Variants in NAALADL1 observed in about 807,000 individuals in gnomAD.
NAALADL1 encodes the protein aminopeptidase NAALADL1.
Under a neutral mutation model 82.8 loss-of-function variants are expected in NAALADL1, and 77 were observed. That is an observed-to-expected ratio of 0.93 (90% CI 0.77 to 1.12). The LOEUF is 1.12. NAALADL1 is among the 50% of genes most tolerant of loss of function. The pLI, the probability that NAALADL1 is intolerant of heterozygous loss-of-function variation, is 0.00. For missense variants in NAALADL1, 956 were observed against 964.0 expected, an observed-to-expected ratio of 0.99 and a Z score of 0.11; for synonymous variants, 358 against 399.2, an observed-to-expected ratio of 0.90 and a Z score of 1.23.
Position 65,054,446 on chromosome 11 carries a change from C to T in NAALADL1, c.887+9G>A, listed in dbSNP as rs761580094. 3.1e-6 allele frequency: 5 copies of T among 1,613,754 alleles called. No homozygotes were observed. Among genetic ancestry groups the T allele is most frequent in the East Asian group, 2.2e-5 (1 of 44,880 alleles). Reference sequence around the variant, plus strand: ...GGGCTGGGCAGGACACCCCAGGGCACAAACTCACCAGAGCAGGTCTCTTGC... The same window carrying T: ...GGGCTGGGCAGGACACCCCAGGGCATAAACTCACCAGAGCAGGTCTCTTGC... On this transcript the variant is annotated intron_variant, in intron 5 of 17. Transcript: ENST00000358658. This position sits in a 1 kb window ranked among gnomAD's most constrained non-coding sequence, Gnocchi z 4.3.
At chr11:65,057,752 T>G in intron 3 of NAALADL1, 123 bp downstream of exon 3, 3 of 1,432,234 alleles carry the variant, frequency 2.1e-6, no homozygotes, top group Non-Finnish European at 2.9e-6. Context: ...AGTGTCCCGG[T>G]GAGTAAATTC....
intron 3 of NAALADL1, 107 bp from the exon 4 acceptor site, chr11:65,057,600 C>T: frequency 7.0e-7 from 1 of 1,421,668 alleles, no homozygotes; most frequent in Non-Finnish European, 9.4e-7. Context: ...TTCTGTTCCC[C>T]CACCTCACCC....
chr11:65,045,076 C>T lies in NAALADL1; in HGVS notation c.*195G>A. 1 of 665,016 alleles carries T rather than the reference C, an allele frequency of 1.5e-6. No homozygotes were observed. The highest frequency in any genetic ancestry group is 2.5e-6 in the Non-Finnish European group (1 of 400,008). The allele number at this position is 665,016 out of a possible 1,614,324, so 41.2% of individuals were successfully genotyped here. On this transcript the variant is annotated 3_prime_UTR_variant, in exon 18 of 18. Transcript: ENST00000358658. ...CTGTCCCCTGCTGCCCACCCTCTGC[C>T]ACCTAAGCACCAGGATGAGGGTGAG...
Position 65,054,523 on chromosome 11 carries a change from G to A in NAALADL1, c.819C>T (p.Ala273=), listed in dbSNP as rs1325783587. 1 of 1,613,976 alleles carries A rather than the reference G, an allele frequency of 6.2e-7. No individual in the cohort carries two copies. Among genetic ancestry groups the A allele is most frequent in the East Asian group, 2.2e-5 (1 of 44,874 alleles). ...AVPSSFRVDL[A]NVSGFPPIPT... is the part of the protein sequence containing the mutation. ...GAATTGGGGGAAATCCGGAGACATT[G>A]GCAAGGTCCACGCGGAAGGAAGAGG... Residue 273 remains alanine (A), a synonymous_variant, in exon 5 of 18, where the codon GCC becomes GCT. Transcript: ENST00000358658. The surrounding 1 kb of genome is among the most constrained non-coding windows in gnomAD (Gnocchi z 4.3).
chr11:65,048,978 G>A (rs931267990), intron 8 of NAALADL1, among the ~76,000 whole-genome samples: 2 of 152,134 alleles, frequency 1.3e-5, no homozygotes, highest in African/African-American at 2.4e-5. Context: ...CAGGAGAATC[G>A]CTTGAGCCTG....
rs769506889 is a variant in NAALADL1 at position 65,046,348 on chromosome 11, G to A, written c.1696C>T (p.Gln566Ter). 1.9e-6 allele frequency: 3 copies of A among 1,614,134 alleles called. No individual in the cohort carries two copies. Among genetic ancestry groups the A allele is most frequent in the African/African-American group, 1.3e-5 (1 of 74,948 alleles). Residue 566 changes from glutamine (Q) to a stop codon, truncating the protein, a stop_gained, in exon 15 of 18, where the codon CAG becomes TAG. Transcript: ENST00000358658. LOFTEE classifies it high-confidence loss of function. The part of the protein sequence containing the change: ...KFLDPGFSSH[Q>*]AVARTAGSVI... ...CTCCCCGCTGTCCGGGCCACAGCCT[G>A]ATGGCTGCTGAAGCCTGCGGCAAGG...
chr11:65,060,133 T>TGTGTGTGTGTGTGTGCACGTGC (rs1947157722), upstream of NAALADL1, among the ~76,000 whole-genome samples: 1 of 151,910 alleles, frequency 6.6e-6, no homozygotes, highest in Non-Finnish European at 1.5e-5. Flanking sequence ...CGTGTGTGTG[T>TGTGTGTGTGTGTGTGCACGTGC]GTGTGTGTGT....
At chr11:65,048,498 T>TGACAG (rs1192095989) in intron 8 of NAALADL1, 113 bp from the exon 9 acceptor site, 4 of 1,185,500 alleles carry the variant, frequency 3.4e-6, no homozygotes, top group Non-Finnish European at 4.9e-6. Context: ...GGGCAGCTGG[T>TGACAG]GACAGGATGT....
intron 4 of NAALADL1, 124 bp downstream of exon 4, chr11:65,057,247 C>G: frequency 7.0e-7 from 1 of 1,419,756 alleles, no homozygotes; most frequent in Non-Finnish European, 9.4e-7. Context: ...TTTCCTGCCC[C>G]ACCCTGGGGC....
chr11:65,053,678 G>A lies in NAALADL1; in HGVS notation c.993-102C>T. On this transcript the variant is annotated intron_variant, in intron 6 of 17. Coordinates refer to ENST00000358658, the MANE Select transcript of NAALADL1 (RefSeq NM_005468.3). This position sits in a 1 kb window ranked among gnomAD's most constrained non-coding sequence, Gnocchi z 4.3. Reference sequence around the variant, plus strand: ...CCGGAGCTGGAAAGTGACGTGGCAAGGCCATTCATTGGCCCCGAAGTACCA... The same window carrying A: ...CCGGAGCTGGAAAGTGACGTGGCAAAGCCATTCATTGGCCCCGAAGTACCA... 9.4e-7 allele frequency: 1 copy of A among 1,064,624 alleles called. No individual in the cohort carries two copies. The allele number at this position is 1,064,624 out of a possible 1,614,324, so 65.9% of individuals were successfully genotyped here. A position where few individuals can be genotyped will look rare whatever the true frequency, so the allele number is the denominator to read the frequency against.
intron 13 of NAALADL1, among the ~76,000 whole-genome samples, chr11:65,046,827 T>G (rs1205911241): frequency 1.3e-5 from 2 of 152,164 alleles, no homozygotes; most frequent in Non-Finnish European, 2.9e-5. Flanking sequence ...CAAGAATCGC[T>G]GTGGCTGTGA....
At chr11:65,047,898 G>GCC in intron 11 of NAALADL1, 83 bp downstream of exon 11, 1 of 586,632 alleles carries the variant, frequency 1.7e-6, no homozygotes, top group Non-Finnish European at 2.9e-6. Context: ...CCACTCCCCA[G>GCC]CCCCGCCCAC....
rs748582110 is a variant in NAALADL1, at chr11:65,046,515, T to C, written c.1611A>G (p.Ser537=). 1 of 1,614,164 alleles carries C rather than the reference T, an allele frequency of 6.2e-7. No individual in the cohort carries two copies. Among genetic ancestry groups the C allele is most frequent in the Non-Finnish European group, 8.5e-7 (1 of 1,180,020 alleles). The part of the protein sequence containing the change: ...IAYTYDRSKT[S]ARIYPTYHTA... ...TGTGGTAGGTGGGGTAGATCCTGGC[T>C]GAAGTCTTGCTCTGGGGGAACAAAG... Residue 537 remains serine (S), a synonymous_variant, in exon 14 of 18, where the codon TCA becomes TCG. Coordinates refer to ENST00000358658, the MANE Select transcript of NAALADL1 (RefSeq NM_005468.3).
chr11:65,054,769 G>T lies in NAALADL1; in HGVS notation c.604-31C>A. 6.2e-7 allele frequency: 1 copy of T among 1,602,290 alleles called. No homozygotes were observed. Among genetic ancestry groups the T allele is most frequent in the South Asian group, 1.1e-5 (1 of 89,964 alleles). On this transcript the variant is annotated intron_variant, in intron 4 of 17. Transcript: ENST00000358658. The surrounding 1 kb of genome is among the most constrained non-coding windows in gnomAD (Gnocchi z 4.3). The stretch of plus-strand genomic sequence containing the variant: ...GTGGGCAGAGGAGGCTGTGTGTAAG[G>T]GAGGGACCGGGACCAGATATGTCCT...
chr11:65,048,127 C>T (rs1466862745), intron 10 of NAALADL1, 25 bp downstream of exon 10: 1 of 1,614,164 alleles, frequency 6.2e-7, no homozygotes, highest in Non-Finnish European at 8.5e-7. Context: ...GTCTCCTCCC[C>T]TTTCCTGCCC....
At chr11:65,050,254 G>A (rs1211078366) in intron 8 of NAALADL1, among the ~76,000 whole-genome samples, 5 of 151,996 alleles carry the variant, frequency 3.3e-5, no homozygotes, top group African/African-American at 4.8e-5. Flanking sequence ...TGAGGTGGGC[G>A]GATCACGAGG....
chr11:65,053,411 C>T lies in NAALADL1; in HGVS notation c.1079-74G>A. On this transcript the variant is annotated intron_variant, in intron 7 of 17. Transcript: ENST00000358658. The surrounding 1 kb of genome is among the most constrained non-coding windows in gnomAD (Gnocchi z 4.3). ...CAGGGGGAGCTGGGCTGGGTGGTGGCAAGGGCAGGGCTGGATGAGGACAGC... is the reference window on the plus strand; with the variant it reads ...CAGGGGGAGCTGGGCTGGGTGGTGGTAAGGGCAGGGCTGGATGAGGACAGC... 1 of 1,612,554 alleles carries T rather than the reference C, an allele frequency of 6.2e-7. No homozygotes were observed. Among genetic ancestry groups the T allele is most frequent in the Non-Finnish European group, 8.5e-7 (1 of 1,179,288 alleles).
At chr11:65,046,824 C>T (rs1481356148) in intron 13 of NAALADL1, among the ~76,000 whole-genome samples, 2 of 152,136 alleles carry the variant, frequency 1.3e-5, no homozygotes, top group African/African-American at 4.8e-5. Flanking sequence ...TACCAAGAAT[C>T]GCTGTGGCTG....
At chr11:65,059,108 G>A (rs1947126947), upstream of NAALADL1, among the ~76,000 whole-genome samples, 1 of 151,908 alleles carries the variant, frequency 6.6e-6, no homozygotes, top group South Asian at 2.1e-4. Context: ...CACCTCCCGG[G>A]CTCAAGTGAT....
Sources: allele counts gnomAD v4.1 joint callset (sites outside exome capture counted in the v4.1 genomes callset), GRCh38; gene constraint gnomAD v4.1.1; non-coding constraint Gnocchi (gnomAD v3.1); transcripts MANE v1.5; gene names NCBI Gene and HGNC (gene_info 2026-07-23, HGNC 2026-07-21).